Variants in CEP152 observed in about 807,000 individuals in gnomAD.
CEP152 encodes centrosomal protein of 152 kDa.
In CEP152, 132 loss-of-function variants were observed where a neutral mutation model predicts 188.9. That is an observed-to-expected ratio of 0.70 (90% CI 0.61 to 0.81). CEP152 has a LOEUF of 0.81. Among genes scored for constraint, CEP152 ranks in the 30% least tolerant of loss-of-function variants. The pLI is 0.00. For missense variants in CEP152, 1,914 were observed against 1,969.8 expected (o/e 0.97, Z 0.54); for synonymous variants, 649 against 666.6 (o/e 0.97, Z 0.41).
Position 48,739,040 on chromosome 15 carries a change from C to T in CEP152, c.4342G>A (p.Gly1448Ser). The part of the protein sequence containing the change: ...ETHLEFQFGD[G>S]SCKHLNSLPR... Reference sequence around the variant, plus strand: ...AAACTGTTTAGGTGCTTGCAACTACCATCCCCAAACTGGAATTCCAAATGT... The same window carrying T: ...AAACTGTTTAGGTGCTTGCAACTACTATCCCCAAACTGGAATTCCAAATGT... Residue 1448 changes from glycine to serine, a missense_variant, in exon 27 of 27, where the codon GGT becomes AGT. Transcript: ENST00000380950. 2 of 1,614,140 alleles carry T rather than the reference C, an allele frequency of 1.2e-6. No homozygotes were observed. The highest frequency in any genetic ancestry group is 1.1e-5 in the South Asian group (1 of 91,076).
intron 18 of CEP152, 82 bp downstream of exon 18, chr15:48,762,309 G>A (rs536600519): frequency 1.0e-5 from 13 of 1,255,246 alleles, no homozygotes; most frequent in African/African-American, 3.0e-5. Context: ...AGTTATGAAC[G>A]AGTTCAATGA....
intron 20 of CEP152, among the ~76,000 whole-genome samples, 197 bp downstream of exon 20, chr15:48,755,706 A>G (rs1262295421): frequency 6.6e-6 from 1 of 152,208 alleles, no homozygotes; most frequent in Non-Finnish European, 1.5e-5. Flanking sequence ...TATTTGTGAC[A>G]CTATGAAGTA....
Position 48,767,161 on chromosome 15 carries a change from T to G in CEP152, c.2179A>C (p.Thr727Pro). The G allele has an allele frequency of 6.2e-7, 1 of 1,613,844 alleles. No individual in the cohort carries two copies. Among genetic ancestry groups the G allele is most frequent in the Non-Finnish European group, 8.5e-7 (1 of 1,180,018 alleles). Reference sequence around the variant, plus strand: ...TCTAGGTAACATTCCTGCACAGCAGTCACCTCCTTATTCAACTTATCCAAC... The same window carrying G: ...TCTAGGTAACATTCCTGCACAGCAGGCACCTCCTTATTCAACTTATCCAAC... ...SELDKLNKEV[T>P]AVQECYLEVC... Residue 727 changes from threonine to proline, a missense_variant, in exon 17 of 27, where the codon ACT becomes CCT. Thr to Pro is a conservative substitution (Grantham distance 38). Transcript: ENST00000380950.
At chr15:48,735,830 A>G (rs758619860), downstream of CEP152, among the ~76,000 whole-genome samples, 1 of 152,214 alleles carries the variant, frequency 6.6e-6, no homozygotes, top group Non-Finnish European at 1.5e-5. Context: ...TTGGCAATAG[A>G]AAAACAAGAG....
chr15:48,764,629 T>C (rs1055987642), intron 17 of CEP152, among the ~76,000 whole-genome samples: 4 of 152,182 alleles, frequency 2.6e-5, no homozygotes, highest in Admixed American at 2.6e-4. Flanking sequence ...GCTTCACTGA[T>C]TACTACCCAA....
At chr15:48,774,599 T>A (rs976367286) in intron 12 of CEP152, among the ~76,000 whole-genome samples, 3 of 152,188 alleles carry the variant, frequency 2.0e-5, no homozygotes, top group Non-Finnish European at 2.9e-5. Context: ...TTTAAAAACT[T>A]AACTGAAATT....
At chr15:48,754,396 C>T (rs1397867201) in intron 20 of CEP152, among the ~76,000 whole-genome samples, 1 of 152,046 alleles carries the variant, frequency 6.6e-6, no homozygotes, top group African/African-American at 2.4e-5. Context: ...GATTTTATAA[C>T]TGTTATAAAA....
intron 9 of CEP152, among the ~76,000 whole-genome samples, chr15:48,784,964 A>G (rs1382725367): frequency 1.3e-5 from 2 of 152,210 alleles, no homozygotes; most frequent in African/African-American, 4.8e-5. Context: ...CTTTCAAAAA[A>G]GGCTACACAG....
chr15:48,808,820 C>A (rs922224981), intron 1 of CEP152, among the ~76,000 whole-genome samples: 1 of 151,976 alleles, frequency 6.6e-6, no homozygotes. Context: ...CAATACTATG[C>A]CACTAGTAAA....
intron 22 of CEP152, 145 bp from the exon 23 acceptor site, chr15:48,745,137 ACTC>A: frequency 1.8e-6 from 1 of 545,578 alleles, no homozygotes; most frequent in South Asian, 2.9e-5. Flanking sequence ...TAGAAACCCT[ACTC>A]AGACCATTCC....
intron 13 of CEP152, among the ~76,000 whole-genome samples, chr15:48,771,847 G>A (rs1895553532): frequency 6.6e-6 from 1 of 152,148 alleles, no homozygotes; most frequent in Admixed American, 6.5e-5. Context: ...CTAATGCAAA[G>A]CTTCATTTAT....
chr15:48,757,620 A>G (rs541855542), intron 19 of CEP152, among the ~76,000 whole-genome samples: 1 of 152,282 alleles, frequency 6.6e-6, no homozygotes, highest in African/African-American at 2.4e-5. Flanking sequence ...GTGTCAAAAG[A>G]CAGAACTGGG....
rs992441101 is a variant in CEP152 at position 48,744,248 on chromosome 15, T to C, written c.3827A>G (p.Lys1276Arg). 1.2e-6 allele frequency: 2 copies of C among 1,614,044 alleles called. No homozygotes were observed. Among genetic ancestry groups the C allele is most frequent in the Non-Finnish European group, 1.7e-6 (2 of 1,179,972 alleles). The change falls in exon 24 of 27, where the codon AAA becomes AGA. Residue 1276 changes from lysine (K) to arginine (R), a missense_variant. Physicochemically the swap from Lys to Arg is conservative, Grantham distance 26 (BLOSUM62 2). Transcript: ENST00000380950. ...LRGQYIKAVKKIKCDMLRYIQ... is the reference protein window; with the variant it reads ...LRGQYIKAVKRIKCDMLRYIQ... ...TTCAGAATTAAACTTACATTTAATT[T>C]TTTTTACAGCTTTAATGTACTGCCC...
chr15:48,797,004 A>G (rs542948891), intron 5 of CEP152, among the ~76,000 whole-genome samples: 72 of 152,364 alleles, frequency 4.7e-4, no homozygotes, highest in Admixed American at 1.1e-3. Flanking sequence ...GTGCAGTGGT[A>G]GAAGCAGCAG....
Position 48,752,380 on chromosome 15 carries a change from G to C in CEP152, c.3435C>G (p.Pro1145=), listed in dbSNP as rs775399941. The change falls in exon 21 of 27, where the codon CCC becomes CCG. Residue 1145 remains proline, a synonymous_variant. Transcript: ENST00000380950. Reference sequence around the variant, plus strand: ...CTGCTTCTGTTGCTTGTAAGGCCAAGGGCTGAGCATGGTGTCCAGCAGCAG... The same window carrying C: ...CTGCTTCTGTTGCTTGTAAGGCCAACGGCTGAGCATGGTGTCCAGCAGCAG... ...PGPAAGHHAQ[P]LALQATEAEA... 1 of 1,614,016 alleles carries C rather than the reference G, an allele frequency of 6.2e-7. No homozygotes were observed. Among genetic ancestry groups the C allele is most frequent in the Admixed American group, 1.7e-5 (1 of 60,014 alleles).
At chr15:48,796,228 C>A in intron 5 of CEP152, 68 bp from the exon 6 acceptor site, 3 of 1,570,292 alleles carry the variant, frequency 1.9e-6, no homozygotes, top group South Asian at 1.1e-5. Context: ...GAATTAGACA[C>A]CTAAATTAAT....
intron 19 of CEP152, 52 bp from the exon 20 acceptor site, chr15:48,756,605 C>T (rs774401251): frequency 3.7e-5 from 57 of 1,558,286 alleles, no homozygotes; most frequent in East Asian, 6.7e-5. Flanking sequence ...TCTCCTCCTT[C>T]GCAAAAAAAT....
At chr15:48,761,172 G>A (rs940029511) in intron 18 of CEP152, among the ~76,000 whole-genome samples, 7 of 152,068 alleles carry the variant, frequency 4.6e-5, no homozygotes, top group African/African-American at 9.7e-5. Flanking sequence ...TCTGTGGAAC[G>A]TTTTCTTAAC....
downstream of CEP152, among the ~76,000 whole-genome samples, chr15:48,734,554 T>C (rs1430697502): frequency 2.0e-5 from 3 of 149,642 alleles, no homozygotes; most frequent in Non-Finnish European, 4.4e-5. Flanking sequence ...TAAATTTTAA[T>C]GCACCTAAAA....
Sources: allele counts gnomAD v4.1 joint callset (sites outside exome capture counted in the v4.1 genomes callset), GRCh38; gene constraint gnomAD v4.1.1; transcripts MANE v1.5; gene names NCBI Gene and HGNC (gene_info 2026-07-23, HGNC 2026-07-21).